The following NEBL variants were observed in gnomAD, a reference collection of about 807,000 sequenced individuals.
NEBL encodes nebulette.
NEBL carries 122 observed loss-of-function variants against 140.2 expected under a neutral mutation model. The ratio of observed to expected loss-of-function variants is 0.87; its 90% confidence interval spans 0.75 to 1.01. NEBL has a LOEUF of 1.01. Ranked by LOEUF, NEBL falls within the 50% of genes least tolerant of loss-of-function variation. The pLI is 0.00. For missense variants in NEBL, 1,365 were observed against 1,231.3 expected (o/e 1.11, Z -1.62); for synonymous variants, 436 against 398.9 (o/e 1.09, Z -1.11).
intron 2 of NEBL, among the ~76,000 whole-genome samples, chr10:21,052,719 C>T (rs1258928691): frequency 6.6e-6 from 1 of 152,198 alleles, no homozygotes; most frequent in Non-Finnish European, 1.5e-5. Flanking sequence ...CCGCTCCACC[C>T]CTCAAGAATG....
chr10:21,032,475 A>T (rs1833840649), intron 2 of NEBL, among the ~76,000 whole-genome samples: 1 of 152,126 alleles, frequency 6.6e-6, no homozygotes, highest in Admixed American at 6.6e-5. Context: ...TTCCACAGCC[A>T]TCGTCTTGTT....
At chr10:21,003,942 C>A (rs892304648) in intron 3 of NEBL, among the ~76,000 whole-genome samples, 1 of 152,080 alleles carries the variant, frequency 6.6e-6, no homozygotes, top group African/African-American at 2.4e-5. Flanking sequence ...TATAAACAAA[C>A]CAAAAGTCGT....
intron 2 of NEBL, among the ~76,000 whole-genome samples, chr10:21,110,364 G>A (rs1564514661): frequency 6.6e-6 from 1 of 152,052 alleles, no homozygotes; most frequent in Non-Finnish European, 1.5e-5. Flanking sequence ...CTTCTTAAGT[G>A]AGCTTTCATA....
chr10:21,031,540 G>A (rs1036229697), intron 2 of NEBL, among the ~76,000 whole-genome samples: 12 of 152,132 alleles, frequency 7.9e-5, no homozygotes, highest in African/African-American at 2.4e-4. Context: ...ACATCTAAGC[G>A]GCGCTGTGTT....
In NEBL at chr10:20,815,522, G is replaced by A; in HGVS notation, c.2241+103C>T. 4.2e-6 allele frequency: 4 copies of A among 953,486 alleles called. No homozygotes were observed. In the Admixed American group the frequency reaches 7.2e-5, roughly 17 times the overall value. The allele number at this position is 953,486 out of a possible 1,614,324, so 59.1% of individuals were successfully genotyped here. On this transcript the variant is annotated intron_variant, in intron 22 of 27. Coordinates refer to ENST00000377122, the MANE Select transcript of NEBL (RefSeq NM_006393.3). ...TGTACTTATTGGACACATCACAAAT[G>A]TTTCTTGAAAATAAGTTTTATTTTC...
At chr10:21,048,614 AG>A (rs1452905209) in intron 2 of NEBL, among the ~76,000 whole-genome samples, 3 of 152,176 alleles carry the variant, frequency 2.0e-5, no homozygotes, top group African/African-American at 7.2e-5. Flanking sequence ...ATTCATTTCA[AG>A]GAATTGGCTC....
intron 2 of NEBL, among the ~76,000 whole-genome samples, chr10:21,121,973 T>A (rs1482072436): frequency 6.6e-6 from 1 of 151,986 alleles, no homozygotes; most frequent in Non-Finnish European, 1.5e-5. Context: ...AAATACATTT[T>A]CAGGCCAAGG....
intron 12 of NEBL, among the ~76,000 whole-genome samples, chr10:20,844,544 T>C (rs1221912482): frequency 2.7e-5 from 4 of 150,928 alleles, no homozygotes; most frequent in Admixed American, 6.6e-5. Flanking sequence ...AGGTGGACTA[T>C]AGACATGATA....
chr10:21,156,992 C>T (rs972066887), intron 2 of NEBL, among the ~76,000 whole-genome samples: 1 of 152,128 alleles, frequency 6.6e-6, no homozygotes, highest in African/African-American at 2.4e-5. Flanking sequence ...TATTTCAATA[C>T]CATTCTCCTA....
At chr10:21,049,917 A>G (rs140071169) in intron 2 of NEBL, among the ~76,000 whole-genome samples, 1 of 152,318 alleles carries the variant, frequency 6.6e-6, no homozygotes, top group African/African-American at 2.4e-5. Flanking sequence ...GGCTAGAAAA[A>G]TGGTCTCTCC....
chr10:20,840,665 C>T (rs1564371782), intron 13 of NEBL, 74 bp downstream of exon 13: 2 of 1,020,754 alleles, frequency 2.0e-6, no homozygotes. Context: ...TGTATAGAAC[C>T]TTTGAGAAAG....
At chr10:20,975,783 G>T (rs191769461) in intron 3 of NEBL, among the ~76,000 whole-genome samples, 10 of 152,208 alleles carry the variant, frequency 6.6e-5, no homozygotes, top group African/African-American at 2.2e-4. Flanking sequence ...GCAAAATGAG[G>T]AATTTTCTGC....
Position 20,781,991 on chromosome 10 carries a change from T to G in NEBL, c.*3756A>C, listed in dbSNP as rs1564317499. On this transcript the variant is annotated 3_prime_UTR_variant, in exon 28 of 28. Coordinates refer to ENST00000377122, the MANE Select transcript of NEBL (RefSeq NM_006393.3). ...GTAGTGAATCCAGCCTCACAATTAT[T>G]CTATCTTACAATAGGCATTTTAAAT... The G allele has an allele frequency of 6.6e-6, 1 of 152,620 alleles. No individual in the cohort carries two copies. Among genetic ancestry groups the G allele is most frequent in the Non-Finnish European group, 1.5e-5 (1 of 68,024 alleles). The allele number at this position is 152,620 out of a possible 1,614,324, so 9.5% of individuals were successfully genotyped here.
At chr10:20,794,048 G>A (rs914931076) in intron 26 of NEBL, among the ~76,000 whole-genome samples, 4 of 152,130 alleles carry the variant, frequency 2.6e-5, no homozygotes, top group South Asian at 2.1e-4. Flanking sequence ...CCTGGGCCTC[G>A]GGAAGCAGCC....
chr10:20,892,193 G>A (rs1381428163), intron 2 of NEBL, among the ~76,000 whole-genome samples: 1 of 152,206 alleles, frequency 6.6e-6, no homozygotes, highest in African/African-American at 2.4e-5. Context: ...ACCAGGCATG[G>A]TCATGCCATC....
At chr10:20,822,563 T>C (rs1323112807) in intron 19 of NEBL, among the ~76,000 whole-genome samples, 2 of 151,514 alleles carry the variant, frequency 1.3e-5, no homozygotes, top group Non-Finnish European at 2.9e-5. Context: ...ATAGAAAGAC[T>C]ATATAGAGAT....
At position 21,122,002 on chromosome 10, in the gene NEBL, G is replaced by GGTGGTTGTT. The variant is rs148422933; in HGVS notation, c.164+50380_164+50381insAACAACCAC. Among the ~76,000 whole-genome samples, 73 of 149,554 alleles carry GGTGGTTGTT rather than the reference G, an allele frequency of 4.9e-4. 2 individuals are homozygous for GGTGGTTGTT. The highest frequency in any genetic ancestry group is 2.4e-3 in the South Asian group (11 of 4,600). Reference sequence around the variant, plus strand: ...GCCAAGGAATGTGGGGATTTCTCCTGGTTGTTGTTGTTGTTGTTGTTGTTG... The same window carrying GGTGGTTGTT: ...GCCAAGGAATGTGGGGATTTCTCCTGGTGGTTGTTGTTGTTGTTGTTGTTGTTGTTGTTG... On this transcript the variant is annotated intron_variant, in intron 2 of 6. Coordinates refer to the NEBL transcript ENST00000417816.
intron 11 of NEBL, among the ~76,000 whole-genome samples, chr10:20,849,347 G>GA (rs998503892): frequency 2.8e-4 from 43 of 152,052 alleles, no homozygotes; most frequent in Non-Finnish European, 5.9e-4. Context: ...ATTGTTTATT[G>GA]AAAAAAAATC....
intron 2 of NEBL, among the ~76,000 whole-genome samples, chr10:21,036,587 T>C (rs995675842): frequency 1.3e-5 from 2 of 152,112 alleles, no homozygotes; most frequent in Non-Finnish European, 2.9e-5. Context: ...ATCAGACAGA[T>C]AGGGGCTCTG....
Sources: gnomAD v4.1 joint callset for allele counts (sites outside exome capture counted in the v4.1 genomes callset) on GRCh38, gnomAD v4.1.1 for gene constraint, MANE v1.5 for transcripts, NCBI Gene and HGNC (gene_info 2026-07-23, HGNC 2026-07-21) for gene names.